EFCAB5: variants seen among roughly 807,000 people sequenced by gnomAD.
The protein encoded by EFCAB5 is EF-hand calcium binding domain 5.
A neutral mutation model predicts 167.9 loss-of-function variants in EFCAB5; 131 were observed. The observed-to-expected ratio is 0.78, with a 90% CI of 0.68 to 0.90. EFCAB5 has a LOEUF of 0.90. Ranked by LOEUF, EFCAB5 falls within the 40% of genes least tolerant of loss-of-function variation. The pLI is 0.00. For synonymous variants in EFCAB5, 574 were observed against 602.8 expected (o/e 0.95, Z 0.70); for missense variants, 1,663 against 1,745.2 (o/e 0.95, Z 0.84).
intron 3 of EFCAB5, 44 bp from the exon 4 acceptor site, chr17:29,968,747 T>C: frequency 7.2e-7 from 1 of 1,398,094 alleles, no homozygotes; most frequent in Non-Finnish European, 9.4e-7. Context: ...TAGATTAAAA[T>C]TTACTTCTAA....
Position 29,993,221 on chromosome 17 carries a change from A to G in EFCAB5, c.824A>G (p.Asp275Gly). The G allele has an allele frequency of 6.2e-7, 1 of 1,613,808 alleles. No homozygotes were observed. Among genetic ancestry groups the G allele is most frequent in the Non-Finnish European group, 8.5e-7 (1 of 1,179,796 alleles). Residue 275 changes from aspartate to glycine, a missense_variant, in exon 5 of 23, where the codon GAC becomes GGC. Asp to Gly is a moderately conservative substitution (Grantham distance 94). Transcript: ENST00000394835. ...KQNRKQRESI[D>G]KIIVKVANTR... ...AATAGAAAACAAAGAGAAAGCATAG[A>G]CAAAATCATAGTCAAGGTGGCCAAC...
chr17:30,034,434 C>G (rs767720406), intron 8 of EFCAB5, 49 bp downstream of exon 8: 17 of 1,542,770 alleles, frequency 1.1e-5, no homozygotes, highest in Non-Finnish European at 1.3e-5. Context: ...CACTGTGGCT[C>G]ACGCCTGTAA....
chr17:29,968,269 G>A, intron 3 of EFCAB5: 2 of 437,830 alleles, frequency 4.6e-6, no homozygotes, highest in South Asian at 3.2e-5. Flanking sequence ...CTGGCACCAA[G>A]AAATAAGTTA....
intron 7 of EFCAB5, among the ~76,000 whole-genome samples, chr17:30,015,054 A>T (rs953455122): frequency 7.2e-5 from 11 of 152,190 alleles, no homozygotes. Flanking sequence ...TCCTGCACTT[A>T]TGAAGCTTAG....
chr17:30,041,380 A>T (rs1309250352), intron 8 of EFCAB5, among the ~76,000 whole-genome samples: 2 of 152,226 alleles, frequency 1.3e-5, no homozygotes, highest in Non-Finnish European at 2.9e-5. Context: ...ATAGCTGCAG[A>T]TATAGTGGAA....
intron 22 of EFCAB5, among the ~76,000 whole-genome samples, chr17:30,105,284 C>T (rs1483387497): frequency 2.6e-5 from 4 of 151,946 alleles, no homozygotes; most frequent in Admixed American, 2.6e-4. Flanking sequence ...GTCACGAGTT[C>T]GAGACCAGCC....
At chr17:29,962,832 G>C (rs2067749736) in intron 3 of EFCAB5, among the ~76,000 whole-genome samples, 1 of 151,952 alleles carries the variant, frequency 6.6e-6, no homozygotes, top group African/African-American at 2.4e-5. Context: ...TAGAACTCTG[G>C]TATGATGTTG....
chr17:30,052,557 T>C (rs935837116), intron 9 of EFCAB5, among the ~76,000 whole-genome samples: 3 of 152,192 alleles, frequency 2.0e-5, no homozygotes, highest in African/African-American at 7.2e-5. Flanking sequence ...TTCTGAAAAT[T>C]GTGAGAATTG....
Position 30,034,386 on chromosome 17 carries a change from G to T in EFCAB5, c.1200+1G>T. ...CTTCCTACATTGTGACCACGGGAAG[G>T]TGGGTTAAGACATTTAAATAATTGC... On this transcript the variant is annotated splice_donor_variant, in intron 8 of 22. Coordinates refer to ENST00000394835, the MANE Select transcript of EFCAB5 (RefSeq NM_198529.4). LOFTEE classifies it high-confidence loss of function. The T allele has an allele frequency of 6.3e-7, 1 of 1,584,136 alleles. No individual in the cohort carries two copies. Among genetic ancestry groups the T allele is most frequent in the Non-Finnish European group, 8.6e-7 (1 of 1,163,290 alleles).
chr17:29,994,626 T>G (rs550931826), intron 5 of EFCAB5, among the ~76,000 whole-genome samples: 45 of 152,320 alleles, frequency 3.0e-4, no homozygotes, highest in Non-Finnish European at 5.7e-4. Flanking sequence ...ATAAGCTCTA[T>G]CAGGCTGGGC....
intron 7 of EFCAB5, among the ~76,000 whole-genome samples, chr17:30,033,678 G>A (rs1222940227): frequency 1.3e-5 from 2 of 152,172 alleles, no homozygotes; most frequent in African/African-American, 4.8e-5. Context: ...CTACTCAACA[G>A]GGATCAAGAG....
At chr17:30,070,821 G>A (rs951862044) in intron 14 of EFCAB5, among the ~76,000 whole-genome samples, 31 of 151,592 alleles carry the variant, frequency 2.0e-4, no homozygotes, top group African/African-American at 5.6e-4. Flanking sequence ...ATGGTGGCAC[G>A]TGCCTGTAGT....
At chr17:29,984,862 A>C (rs1389497576) in intron 4 of EFCAB5, among the ~76,000 whole-genome samples, 1 of 152,170 alleles carries the variant, frequency 6.6e-6, no homozygotes, top group Non-Finnish European at 1.5e-5. Context: ...TTTTCTAGAG[A>C]ATTTTGAAGG....
intron 8 of EFCAB5, among the ~76,000 whole-genome samples, chr17:30,048,107 T>C (rs1009003501): frequency 7.9e-5 from 12 of 152,198 alleles, no homozygotes; most frequent in Non-Finnish European, 1.8e-4. Flanking sequence ...AGTTAGGATG[T>C]ATAGATGTCA....
chr17:30,103,471 C>T lies in EFCAB5; in HGVS notation c.4322-4363C>T, dbSNP rs78562413. 1.5e-4 allele frequency among the ~76,000 whole-genome samples: 23 copies of T among 152,108 alleles called. No individual in the cohort carries two copies. The East Asian group carries it at 4.2e-3, about 28-fold the overall frequency. On this transcript the variant is annotated intron_variant, in intron 22 of 22. Coordinates refer to ENST00000394835, the MANE Select transcript of EFCAB5 (RefSeq NM_198529.4). Reference sequence around the variant, plus strand: ...GTGACACTGTACAGAAATATGCTTGCCATGGGAATGAAACTGATATACGTG... The same window carrying T: ...GTGACACTGTACAGAAATATGCTTGTCATGGGAATGAAACTGATATACGTG...
At chr17:30,008,453 A>C (rs2068821286) in intron 7 of EFCAB5, among the ~76,000 whole-genome samples, 1 of 152,090 alleles carries the variant, frequency 6.6e-6, no homozygotes, top group Non-Finnish European at 1.5e-5. Flanking sequence ...TTAGCTGGGC[A>C]TAGTGGCATG....
chr17:30,107,796 C>A, intron 22 of EFCAB5, 38 bp from the exon 23 acceptor site: 2 of 1,421,804 alleles, frequency 1.4e-6, no homozygotes, highest in Non-Finnish European at 1.8e-6. Flanking sequence ...AAGTGCAAAA[C>A]TCTCCACTCT....
At chr17:29,933,800 C>T (rs1266486572) in intron 1 of EFCAB5, among the ~76,000 whole-genome samples, 1 of 152,132 alleles carries the variant, frequency 6.6e-6, no homozygotes, top group Non-Finnish European at 1.5e-5. Flanking sequence ...CTCATACCTA[C>T]TAAAACCTAT....
chr17:30,082,521 G>C (rs2071008661), intron 17 of EFCAB5, among the ~76,000 whole-genome samples: 1 of 150,292 alleles, frequency 6.7e-6, no homozygotes, highest in South Asian at 2.1e-4. Flanking sequence ...CTCCTGAGTA[G>C]CTGGGATTAC....
Sources: gnomAD v4.1 joint callset for allele counts (sites outside exome capture counted in the v4.1 genomes callset) on GRCh38, gnomAD v4.1.1 for gene constraint, MANE v1.5 for transcripts, NCBI Gene and HGNC (gene_info 2026-07-23, HGNC 2026-07-21) for gene names.